Variants in SORCS3 observed in about 807,000 individuals in gnomAD.
The protein encoded by SORCS3 is sortilin related VPS10 domain containing receptor 3.
Under a neutral mutation model 146.3 loss-of-function variants are expected in SORCS3, and 57 were observed. The observed-to-expected ratio is 0.39, with a 90% CI of 0.31 to 0.49. The LOEUF is 0.49. SORCS3 is among the 20% of genes least tolerant of loss of function. The probability of loss-of-function intolerance (pLI) is 0.92; values close to 1 mark genes in which losing one functional copy is unlikely to be tolerated. For missense variants in SORCS3, 1,341 were observed against 1,575.5 expected, an observed-to-expected ratio of 0.85 and a Z score of 2.52; for synonymous variants, 653 against 618.5, an observed-to-expected ratio of 1.06 and a Z score of -0.83.
chr10:105,004,947 A>G (rs1471531366), intron 4 of SORCS3, among the ~76,000 whole-genome samples: 2 of 152,182 alleles, frequency 1.3e-5, no homozygotes, highest in Non-Finnish European at 2.9e-5. Context: ...ATAACCATGG[A>G]GAGGCAACCA....
intron 1 of SORCS3, among the ~76,000 whole-genome samples, chr10:104,796,756 G>T (rs2017561444): frequency 6.6e-6 from 1 of 152,192 alleles, no homozygotes; most frequent in East Asian, 1.9e-4. Flanking sequence ...TTGCCATTTT[G>T]TATCATTCAA....
chr10:104,776,404 G>A (rs1003035963), intron 1 of SORCS3, among the ~76,000 whole-genome samples: 2 of 152,126 alleles, frequency 1.3e-5, no homozygotes, highest in African/African-American at 4.8e-5. Flanking sequence ...AAGGGTAGTC[G>A]GGGCTGGCGG....
At chr10:105,151,878 C>T (rs2056169998) in intron 9 of SORCS3, among the ~76,000 whole-genome samples, 1 of 152,078 alleles carries the variant, frequency 6.6e-6, no homozygotes, top group Non-Finnish European at 1.5e-5. Context: ...GAAAATAACA[C>T]TTGAAGGCCA....
At chr10:105,053,191 G>T (rs2055424412) in intron 5 of SORCS3, among the ~76,000 whole-genome samples, 1 of 152,016 alleles carries the variant, frequency 6.6e-6, no homozygotes, top group Non-Finnish European at 1.5e-5. Flanking sequence ...CTTCCCAAAG[G>T]CCTTATCTTC....
intron 4 of SORCS3, among the ~76,000 whole-genome samples, chr10:105,004,688 G>A (rs2055083315): frequency 6.6e-6 from 1 of 152,074 alleles, no homozygotes; most frequent in Non-Finnish European, 1.5e-5. Context: ...TGAGCCCTGT[G>A]GGGGTATAGA....
Position 104,719,831 on chromosome 10 carries a change from A to G in SORCS3, c.627+77877A>G, listed in dbSNP as rs536226090. Among the ~76,000 whole-genome samples the G allele has an allele frequency of 3.3e-5, 5 of 152,248 alleles. No individual in the cohort carries two copies. In the East Asian group the frequency reaches 9.6e-4, roughly 29 times the overall value. On this transcript the variant is annotated intron_variant, in intron 1 of 26. Transcript: ENST00000369701. ...GAATGAGAATTATGCTCTTGCCGAG[A>G]TTGGAAGTGTGTGAATGTATGTGTT...
chr10:105,079,283 T>C (rs2055608268), intron 5 of SORCS3, among the ~76,000 whole-genome samples: 1 of 152,216 alleles, frequency 6.6e-6, no homozygotes, highest in Non-Finnish European at 1.5e-5. Flanking sequence ...GTAGGGCCTA[T>C]GCATTTGTAT....
chr10:104,961,257 A>G (rs1001963074), intron 3 of SORCS3, among the ~76,000 whole-genome samples: 7 of 152,084 alleles, frequency 4.6e-5, no homozygotes, highest in African/African-American at 1.7e-4. Context: ...ATTTCTGAAA[A>G]CCAAACACAC....
intron 5 of SORCS3, among the ~76,000 whole-genome samples, chr10:105,050,814 C>T (rs2055405452): frequency 6.6e-6 from 1 of 152,104 alleles, no homozygotes; most frequent in Non-Finnish European, 1.5e-5. Context: ...TAATGTTCTA[C>T]TTCTGTCTAC....
At chr10:105,175,933 G>A (rs1170136995) in intron 13 of SORCS3, among the ~76,000 whole-genome samples, 8 of 152,048 alleles carry the variant, frequency 5.3e-5, no homozygotes, top group Non-Finnish European at 1.2e-4. Context: ...TTTTTAATCT[G>A]TACATTAGGA....
chr10:105,078,019 G>A (rs2055599901), intron 5 of SORCS3, among the ~76,000 whole-genome samples: 3 of 152,226 alleles, frequency 2.0e-5, no homozygotes, highest in Non-Finnish European at 1.5e-5. Flanking sequence ...TGCTGCCCTA[G>A]CGTTTTCACA....
At chr10:104,847,208 G>T (rs1430692755) in intron 2 of SORCS3, among the ~76,000 whole-genome samples, 6 of 152,192 alleles carry the variant, frequency 3.9e-5, no homozygotes, top group African/African-American at 1.4e-4. Flanking sequence ...AGGGAGGAAG[G>T]ATGTCACTTT....
intron 14 of SORCS3, among the ~76,000 whole-genome samples, chr10:105,189,577 C>A (rs1358098450): frequency 1.3e-5 from 2 of 152,164 alleles, no homozygotes; most frequent in African/African-American, 2.4e-5. Flanking sequence ...GGATGTGAAT[C>A]ACTTCTCTAC....
At chr10:105,075,100 A>T (rs2055580372) in intron 5 of SORCS3, among the ~76,000 whole-genome samples, 1 of 152,114 alleles carries the variant, frequency 6.6e-6, no homozygotes, top group Non-Finnish European at 1.5e-5. Context: ...CCTTTTTATA[A>T]TTAACTCCCC....
At chr10:105,050,996 G>A (rs138297663) in intron 5 of SORCS3, among the ~76,000 whole-genome samples, 1 of 152,184 alleles carries the variant, frequency 6.6e-6, no homozygotes, top group African/African-American at 2.4e-5. Flanking sequence ...CAGACTCTAT[G>A]GGATTTGACA....
chr10:105,135,360 G>C (rs1564763547), intron 7 of SORCS3, among the ~76,000 whole-genome samples: 1 of 152,130 alleles, frequency 6.6e-6, no homozygotes, highest in Non-Finnish European at 1.5e-5. Context: ...TCAAGGCCCT[G>C]GCACTCTGGG....
intron 1 of SORCS3, among the ~76,000 whole-genome samples, chr10:104,652,065 G>GCA (rs1277710658): frequency 3.5e-5 from 5 of 144,512 alleles, no homozygotes; most frequent in East Asian, 1.9e-4. Flanking sequence ...TTAAATGTGT[G>GCA]TGTGTGTGTG....
intron 4 of SORCS3, among the ~76,000 whole-genome samples, chr10:104,993,205 G>GT: frequency 6.6e-6 from 1 of 152,326 alleles, no homozygotes; most frequent in South Asian, 2.1e-4. Context: ...CAAAGGAGAT[G>GT]CTTGTTTCCC....
chr10:104,755,126 T>C (rs940270994), intron 1 of SORCS3, among the ~76,000 whole-genome samples: 3 of 152,180 alleles, frequency 2.0e-5, no homozygotes, highest in Non-Finnish European at 2.9e-5. Flanking sequence ...TAGTTTGTAA[T>C]AGGGAGGAGA....
Sources: allele counts gnomAD v4.1 joint callset (sites outside exome capture counted in the v4.1 genomes callset), GRCh38; gene constraint gnomAD v4.1.1; transcripts MANE v1.5; gene names NCBI Gene and HGNC (gene_info 2026-07-23, HGNC 2026-07-21).